ARHGAP5: variants seen among roughly 807,000 people sequenced by gnomAD.
ARHGAP5 encodes rho GTPase-activating protein 5.
ARHGAP5 carries 23 observed loss-of-function variants against 116.6 expected under a neutral mutation model. The ratio of observed to expected loss-of-function variants is 0.20; its 90% CI spans 0.14 to 0.28. The LOEUF (loss-of-function observed/expected upper bound fraction) is 0.28, where lower values mean the gene tolerates loss of function less well. ARHGAP5 is among the 10% of genes least tolerant of loss of function. The probability of loss-of-function intolerance (pLI) is 1.00; values close to 1 mark genes in which losing one functional copy is unlikely to be tolerated. For missense variants in ARHGAP5, 1,405 were observed against 1,774.8 expected (o/e 0.79, Z 3.74); for synonymous variants, 574 against 602.0 (o/e 0.95, Z 0.68).
At chr14:32,085,790 C>G (rs996892985) in intron 1 of ARHGAP5, among the ~76,000 whole-genome samples, 3 of 151,934 alleles carry the variant, frequency 2.0e-5, no homozygotes, top group Non-Finnish European at 4.4e-5. Flanking sequence ...CTTTAAACAG[C>G]CAAAAATTTT....
At chr14:32,083,114 C>T (rs919257010) in intron 1 of ARHGAP5, among the ~76,000 whole-genome samples, 2 of 152,242 alleles carry the variant, frequency 1.3e-5, no homozygotes, top group Non-Finnish European at 2.9e-5. Context: ...ATCCAAATCT[C>T]GTCTATTTTT....
intron 4 of ARHGAP5, 82 bp downstream of exon 4, chr14:32,146,422 T>C: frequency 9.7e-7 from 1 of 1,027,318 alleles, no homozygotes. Context: ...TTGATTTTCA[T>C]TTGAAAACTT....
At chr14:32,080,859 G>C (rs2041765051) in intron 1 of ARHGAP5, among the ~76,000 whole-genome samples, 1 of 152,062 alleles carries the variant, frequency 6.6e-6, no homozygotes, top group African/African-American at 2.4e-5. Context: ...GTTGATGCTT[G>C]GTCATATCTG....
intron 3 of ARHGAP5, among the ~76,000 whole-genome samples, chr14:32,132,935 A>G (rs908713275): frequency 3.9e-5 from 6 of 152,188 alleles, no homozygotes; most frequent in African/African-American, 7.2e-5. Flanking sequence ...GTTCTGTTCC[A>G]TTGGTCTGTA....
chr14:32,078,421 T>C, intron 1 of ARHGAP5: 1 of 152,226 alleles, frequency 6.6e-6, no homozygotes, highest in South Asian at 2.1e-4. Flanking sequence ...GGAATTCAAA[T>C]ATTTTGAGAT....
At chr14:32,095,883 AAT>A (rs1878502361) in intron 2 of ARHGAP5, among the ~76,000 whole-genome samples, 1 of 152,178 alleles carries the variant, frequency 6.6e-6, no homozygotes, top group African/African-American at 2.4e-5. Context: ...AAAACTACTT[AAT>A]GTTTATTAAG....
intron 4 of ARHGAP5, among the ~76,000 whole-genome samples, chr14:32,147,645 T>A (rs1428765357): frequency 6.6e-6 from 1 of 152,166 alleles, no homozygotes; most frequent in Non-Finnish European, 1.5e-5. Flanking sequence ...GGCTCTTCCT[T>A]GCAGTATTGT....
intron 3 of ARHGAP5, among the ~76,000 whole-genome samples, chr14:32,132,012 C>T (rs1483451932): frequency 2.6e-5 from 4 of 152,146 alleles, no homozygotes; most frequent in Non-Finnish European, 5.9e-5. Context: ...GGTTCCAAGT[C>T]TTTGCTATTG....
At chr14:32,110,244 A>G (rs1879222887) in intron 2 of ARHGAP5, among the ~76,000 whole-genome samples, 1 of 151,098 alleles carries the variant, frequency 6.6e-6, no homozygotes, top group Non-Finnish European at 1.5e-5. Flanking sequence ...GAGTAGTTAC[A>G]TAGTGTTGTA....
chr14:32,124,836 A>C (rs991421587), intron 3 of ARHGAP5, among the ~76,000 whole-genome samples: 1 of 152,202 alleles, frequency 6.6e-6, no homozygotes, highest in South Asian at 2.1e-4. Flanking sequence ...AATGTAAACT[A>C]TATGTGATAT....
rs773336456 is a variant in ARHGAP5, at chr14:32,092,336, C to T, written c.1667C>T (p.Thr556Ile). Residue 556 changes from threonine to isoleucine, a missense_variant, in exon 2 of 7, where the codon ACA (threonine) becomes ATA (isoleucine). By Grantham distance (89) the Thr-to-Ile change is moderately conservative. Coordinates refer to ENST00000345122, the MANE Select transcript of ARHGAP5 (RefSeq NM_001030055.2). The surrounding 1 kb of genome is among the most constrained non-coding windows in gnomAD (Gnocchi z 4.1). The part of the protein sequence containing the change: ...IGFVYHPTKE[T>I]CLSGQNCTDI... ...TTTGTTTATCATCCCACTAAAGAAA[C>T]ATGTCTTAGTGGCCAAAATTGTACA... is the stretch of plus-strand genomic sequence containing the variant. The T allele has an allele frequency of 6.2e-7, 1 of 1,613,718 alleles. No individual in the cohort carries two copies. Among genetic ancestry groups the T allele is most frequent in the Non-Finnish European group, 8.5e-7 (1 of 1,179,726 alleles).
intron 5 of ARHGAP5, among the ~76,000 whole-genome samples, chr14:32,150,698 A>C (rs1002015941): frequency 6.6e-6 from 1 of 152,216 alleles, no homozygotes; most frequent in Non-Finnish European, 1.5e-5. Flanking sequence ...TCACCTCTTA[A>C]AGATTCCACC....
chr14:32,078,959 A>C (rs1265137423), intron 1 of ARHGAP5, among the ~76,000 whole-genome samples: 1 of 152,124 alleles, frequency 6.6e-6, no homozygotes, highest in Non-Finnish European at 1.5e-5. Flanking sequence ...TTTTGCTTTC[A>C]TTTTAAATTC....
intron 2 of ARHGAP5, among the ~76,000 whole-genome samples, chr14:32,108,549 T>C (rs986185278): frequency 6.6e-6 from 1 of 152,126 alleles, no homozygotes; most frequent in Non-Finnish European, 1.5e-5. Context: ...AGGGAGTTCC[T>C]ATTTTTTCTG....
chr14:32,147,625 A>T (rs186771067), intron 4 of ARHGAP5, among the ~76,000 whole-genome samples: 1,703 of 152,306 alleles, frequency 0.011, 20 homozygotes, highest in Non-Finnish European at 0.015. Context: ...ATGCCAAGAT[A>T]TACTTACAAG....
intron 2 of ARHGAP5, among the ~76,000 whole-genome samples, chr14:32,105,439 G>T (rs1878966308): frequency 6.6e-6 from 1 of 151,428 alleles, no homozygotes; most frequent in Non-Finnish European, 1.5e-5. Flanking sequence ...AAGAAATAAA[G>T]ATTCTATTTT....
chr14:32,090,080 G>T (rs1002727478), intron 1 of ARHGAP5, among the ~76,000 whole-genome samples: 3 of 151,882 alleles, frequency 2.0e-5, no homozygotes, highest in African/African-American at 7.2e-5. Flanking sequence ...AATGTAAAAA[G>T]CAGGTTGTTT....
intron 3 of ARHGAP5, among the ~76,000 whole-genome samples, chr14:32,123,890 C>A (rs954053841): frequency 2.0e-5 from 3 of 152,118 alleles, no homozygotes; most frequent in Non-Finnish European, 4.4e-5. Context: ...TGACCCTGTG[C>A]CCCATTTATA....
At chr14:32,127,472 A>G (rs1001728443) in intron 3 of ARHGAP5, among the ~76,000 whole-genome samples, 2 of 152,186 alleles carry the variant, frequency 1.3e-5, no homozygotes, top group African/African-American at 4.8e-5. Context: ...CACATGTTTC[A>G]GAGAGCACGG....
Sources: gnomAD v4.1 joint callset for allele counts (sites outside exome capture counted in the v4.1 genomes callset) on GRCh38, gnomAD v4.1.1 for gene constraint, Gnocchi (gnomAD v3.1) non-coding constraint, MANE v1.5 for transcripts, NCBI Gene and HGNC (gene_info 2026-07-23, HGNC 2026-07-21) for gene names.